HCN1: variants seen among roughly 807,000 people sequenced by gnomAD.
HCN1 encodes the protein potassium/sodium hyperpolarization-activated cyclic nucleotide-gated channel 1.
In HCN1, 13 loss-of-function variants were observed where a neutral mutation model predicts 78.9. The ratio of observed to expected loss-of-function variants is 0.16; its 90% CI spans 0.11 to 0.26. HCN1 has a LOEUF of 0.26. HCN1 is among the 10% of genes least tolerant of loss of function. The pLI is 1.00. For missense variants in HCN1, 810 were observed against 1,154.3 expected, an observed-to-expected ratio of 0.70 and a Z score of 4.32; for synonymous variants, 552 against 455.5, an observed-to-expected ratio of 1.21 and a Z score of -2.70.
chr5:45,280,522 A>G (rs1443192424), intron 6 of HCN1, among the ~76,000 whole-genome samples: 5 of 152,164 alleles, frequency 3.3e-5, no homozygotes, highest in Admixed American at 6.5e-5. Flanking sequence ...TAAAATGTTT[A>G]GCTTCATCTC....
chr5:45,446,195 G>A (rs1561158250), intron 3 of HCN1, among the ~76,000 whole-genome samples: 1 of 152,180 alleles, frequency 6.6e-6, no homozygotes. Context: ...GTGCTTAAAG[G>A]AGCTGATGGA....
At chr5:45,406,891 A>AG (rs1238399122) in intron 3 of HCN1, among the ~76,000 whole-genome samples, 12 of 152,312 alleles carry the variant, frequency 7.9e-5, no homozygotes, top group African/African-American at 2.9e-4. Context: ...ATTGTACTTT[A>AG]GTTTTATACT....
At chr5:45,418,203 A>T (rs1414444236) in intron 3 of HCN1, among the ~76,000 whole-genome samples, 1 of 151,908 alleles carries the variant, frequency 6.6e-6, no homozygotes, top group Non-Finnish European at 1.5e-5. Context: ...ATTTAGAATG[A>T]TAAAAGAAAA....
chr5:45,573,078 T>C (rs544112028), intron 2 of HCN1, among the ~76,000 whole-genome samples: 46 of 152,280 alleles, frequency 3.0e-4, no homozygotes, highest in Admixed American at 7.9e-4. Context: ...GGAAGGTTGA[T>C]GATAGAAACT....
At chr5:45,684,217 T>G in intron 1 of HCN1, among the ~76,000 whole-genome samples, 1 of 152,268 alleles carries the variant, frequency 6.6e-6, no homozygotes, top group Middle Eastern at 3.4e-3. Flanking sequence ...GTGAAGTATT[T>G]TATGAGTCTT....
intron 7 of HCN1, among the ~76,000 whole-genome samples, chr5:45,263,715 G>A (rs1318599012): frequency 6.6e-6 from 1 of 151,840 alleles, no homozygotes; most frequent in African/African-American, 2.4e-5. Context: ...TCATACATGG[G>A]CTCTGAATTT....
chr5:45,494,788 G>A (rs963785397), intron 2 of HCN1, among the ~76,000 whole-genome samples: 1 of 152,184 alleles, frequency 6.6e-6, no homozygotes, highest in Non-Finnish European at 1.5e-5. Context: ...AAGGTGTAAG[G>A]AAGGGATCCA....
intron 5 of HCN1, among the ~76,000 whole-genome samples, chr5:45,313,016 T>C (rs1278242036): frequency 6.6e-6 from 1 of 152,102 alleles, no homozygotes; most frequent in Non-Finnish European, 1.5e-5. Flanking sequence ...TTGAAGACAG[T>C]AGTGGTTCTC....
intron 2 of HCN1, among the ~76,000 whole-genome samples, chr5:45,469,224 T>C (rs1357236892): frequency 1.3e-5 from 2 of 151,922 alleles, no homozygotes; most frequent in Non-Finnish European, 2.9e-5. Context: ...GGTCAGAACA[T>C]TTATTAATTG....
chr5:45,429,942 G>T (rs760310871), intron 3 of HCN1, among the ~76,000 whole-genome samples: 19 of 151,954 alleles, frequency 1.3e-4, no homozygotes, highest in Admixed American at 6.6e-4. Flanking sequence ...GTACAGTAAT[G>T]ATATCAAAGA....
chr5:45,265,903 A>G (rs776452773), intron 7 of HCN1, among the ~76,000 whole-genome samples: 1 of 152,182 alleles, frequency 6.6e-6, no homozygotes, highest in Admixed American at 6.5e-5. Flanking sequence ...CAGAGGCTAT[A>G]GGAGAATGCA....
intron 2 of HCN1, among the ~76,000 whole-genome samples, chr5:45,595,693 A>T (rs1561214146): frequency 6.6e-6 from 1 of 152,052 alleles, no homozygotes; most frequent in Admixed American, 6.6e-5. Flanking sequence ...TCTTCCCCTT[A>T]AGGAGCTATA....
intron 2 of HCN1, among the ~76,000 whole-genome samples, chr5:45,476,389 G>T (rs991008883): frequency 2.6e-5 from 4 of 152,042 alleles, no homozygotes; most frequent in African/African-American, 9.7e-5. Flanking sequence ...CTCCAGAACT[G>T]TAAGAAATCA....
At chr5:45,555,530 C>A (rs1579966421) in intron 2 of HCN1, among the ~76,000 whole-genome samples, 1 of 151,580 alleles carries the variant, frequency 6.6e-6, no homozygotes, top group Non-Finnish European at 1.5e-5. Context: ...CTTCAAAGAG[C>A]TAGAAAAAAA....
intron 5 of HCN1, among the ~76,000 whole-genome samples, chr5:45,309,049 T>C (rs1034346004): frequency 6.6e-5 from 10 of 152,264 alleles, no homozygotes; most frequent in Admixed American, 2.6e-4. Flanking sequence ...CTTTGAGTAG[T>C]GGTTTGTACT....
rs868294992 is a variant in HCN1, at chr5:45,347,565, C to A, written c.1377+5535G>T. Among the ~76,000 whole-genome samples the A allele has an allele frequency of 6.9e-4, 105 of 152,116 alleles. 1 individual carries two copies. Among genetic ancestry groups the A allele is most frequent in the African/African-American group, 2.5e-3 (102 of 41,418 alleles). ...GAAGGCTTCAGACGATCAAACTACTCCGAGCTACAGGAGGAAATTCAAACC... is the reference window on the plus strand; with the variant it reads ...GAAGGCTTCAGACGATCAAACTACTACGAGCTACAGGAGGAAATTCAAACC... On this transcript the variant is annotated intron_variant, in intron 5 of 7. Transcript: ENST00000303230.
intron 4 of HCN1, among the ~76,000 whole-genome samples, chr5:45,360,163 T>C (rs1747083907): frequency 6.6e-6 from 1 of 151,700 alleles, no homozygotes; most frequent in South Asian, 2.1e-4. Flanking sequence ...TGTCTCATTC[T>C]CAATATAAAC....
chr5:45,402,064 C>T (rs1051464207), intron 3 of HCN1, among the ~76,000 whole-genome samples: 16 of 151,924 alleles, frequency 1.1e-4, no homozygotes, highest in Non-Finnish European at 1.9e-4. Context: ...AGTTACCAAA[C>T]CCCATAGTAT....
chr5:45,450,839 TC>T (rs1740901417), intron 3 of HCN1, among the ~76,000 whole-genome samples: 1 of 152,148 alleles, frequency 6.6e-6, no homozygotes, highest in South Asian at 2.1e-4. Flanking sequence ...AAGTTTTATC[TC>T]CTTTGCAAGA....
Sources: gnomAD v4.1 joint callset for allele counts (sites outside exome capture counted in the v4.1 genomes callset) on GRCh38, gnomAD v4.1.1 for gene constraint, MANE v1.5 for transcripts, NCBI Gene and HGNC (gene_info 2026-07-23, HGNC 2026-07-21) for gene names.